Variants in CAST observed in about 807,000 individuals in gnomAD.
CAST encodes MIR583 host.
In CAST, 76 loss-of-function variants were observed where a neutral mutation model predicts 119.6. That is an observed-to-expected ratio of 0.64 (90% CI 0.53 to 0.77). The LOEUF is 0.77. Among genes scored for constraint, CAST ranks in the 30% least tolerant of loss-of-function variants. The pLI is 0.00. For missense variants in CAST, 953 were observed against 946.5 expected (o/e 1.01, Z -0.09); for synonymous variants, 319 against 331.6 (o/e 0.96, Z 0.41).
the CAST span, among the ~76,000 whole-genome samples, chr5:96,493,291 T>G: frequency 1.7e-3 from 262 of 152,358 alleles, no homozygotes; most frequent in African/African-American, 6.2e-3. Flanking sequence ...CTCTTTAAGG[T>G]TGAACTTTTG....
chr5:96,766,981 C>T (rs1770230566), intron 27 of CAST, among the ~76,000 whole-genome samples: 1 of 152,168 alleles, frequency 6.6e-6, no homozygotes, highest in Non-Finnish European at 1.5e-5. Flanking sequence ...TAGAGCCCTT[C>T]CCACTTTGAT....
At chr5:96,654,876 T>C (rs1748138114) in intron 1 of CAST, among the ~76,000 whole-genome samples, 1 of 152,192 alleles carries the variant, frequency 6.6e-6, no homozygotes, top group Non-Finnish European at 1.5e-5. Context: ...GACTTTCCTT[T>C]TATTATTTTT....
chr5:96,728,255 A>G (rs1331802154), intron 6 of CAST: 1 of 152,276 alleles, frequency 6.6e-6, no homozygotes, highest in Non-Finnish European at 1.5e-5. Context: ...TGAGGGTGAA[A>G]GGTGAGGCTT....
the CAST span, among the ~76,000 whole-genome samples, chr5:96,320,824 AG>A: frequency 6.6e-6 from 1 of 152,146 alleles, no homozygotes; most frequent in Non-Finnish European, 1.5e-5. Context: ...CTTGCAGGCT[AG>A]GGGGATGCAG....
the CAST span, among the ~76,000 whole-genome samples, chr5:96,454,312 G>A: frequency 1.3e-5 from 2 of 152,024 alleles, no homozygotes; most frequent in African/African-American, 4.8e-5. Context: ...CCAGTCCAAG[G>A]TCTGAAATTA....
At chr5:96,675,929 T>C (rs1361238641) in intron 2 of CAST, 1 of 209,822 alleles carries the variant, frequency 4.8e-6, no homozygotes, top group African/African-American at 2.3e-5. Context: ...GTTGCTGTAG[T>C]AAAAAGGAAA....
chr5:96,740,104 A>G lies in CAST; in HGVS notation c.865A>G (p.Arg289Gly), dbSNP rs775375217. The change falls in exon 12 of 32, where the codon AGG (arginine) becomes GGG (glycine). Residue 289 changes from arginine (R) to glycine (G), a missense_variant. Arg to Gly is a moderately radical substitution (Grantham distance 125). Transcript: ENST00000675179. ...AGAAGTCACAATTCCTCCAAAATAT[A>G]GGGAACTATTGGCTGTAAGTTAAAT... is the stretch of plus-strand genomic sequence containing the variant. The part of the protein sequence containing the change: ...KREVTIPPKY[R>G]ELLAKKEGIT... 2 of 1,505,538 alleles carry G rather than the reference A, an allele frequency of 1.3e-6. No homozygotes were observed. The highest frequency in any genetic ancestry group is 2.1e-4 in the Middle Eastern group (1 of 4,806). The allele number at this position is 1,505,538 out of a possible 1,614,324, so 93.3% of individuals were successfully genotyped here.
At chr5:96,365,073 C>T in the CAST span, among the ~76,000 whole-genome samples, 9 of 152,020 alleles carry the variant, frequency 5.9e-5, no homozygotes, top group African/African-American at 9.7e-5. Context: ...GCCTTCATTT[C>T]GTTAAGTACT....
chr5:96,732,392 T>G (rs1760741484), intron 9 of CAST, among the ~76,000 whole-genome samples: 2 of 124,730 alleles, frequency 1.6e-5, no homozygotes, highest in Non-Finnish European at 1.7e-5. Flanking sequence ...CATTGTAGAT[T>G]CTGGATATTA....
intron 22 of CAST, chr5:96,755,338 CAAAAA>C (rs1179138013): frequency 6.6e-6 from 1 of 151,020 alleles, no homozygotes; most frequent in Non-Finnish European, 1.5e-5. Flanking sequence ...GACCCTAACT[CAAAAA>C]GAAGTAAAAA....
the CAST span, chr5:96,050,266 AAG>A: frequency 6.6e-6 from 1 of 152,300 alleles, no homozygotes; most frequent in Non-Finnish European, 1.5e-5. Flanking sequence ...GTGAGGGGAA[AAG>A]AGAGACATAG....
the CAST span, among the ~76,000 whole-genome samples, chr5:95,965,518 CT>C: frequency 6.6e-6 from 1 of 152,306 alleles, no homozygotes; most frequent in Admixed American, 6.5e-5. Context: ...AAGGCAATGG[CT>C]TCTGTTACAA....
the CAST span, among the ~76,000 whole-genome samples, chr5:96,173,051 G>A: frequency 6.6e-6 from 1 of 152,168 alleles, no homozygotes; most frequent in South Asian, 2.1e-4. Flanking sequence ...TTGCATATGG[G>A]TATTTCTTAT....
the CAST span, chr5:95,965,051 T>A: frequency 6.6e-6 from 1 of 151,740 alleles, no homozygotes; most frequent in Non-Finnish European, 1.5e-5. Context: ...GGTACAGAGG[T>A]CACCAATTCA....
At chr5:95,968,207 A>G in the CAST span, among the ~76,000 whole-genome samples, 1 of 152,186 alleles carries the variant, frequency 6.6e-6, no homozygotes, top group Non-Finnish European at 1.5e-5. Context: ...AGTCATTTGA[A>G]TAACTCTTTC....
At chr5:96,006,104 T>C in the CAST span, among the ~76,000 whole-genome samples, 1 of 152,228 alleles carries the variant, frequency 6.6e-6, no homozygotes, top group Non-Finnish European at 1.5e-5. Flanking sequence ...CAGATATTTT[T>C]TCCATTAGTG....
At chr5:96,452,498 A>AG in the CAST span, among the ~76,000 whole-genome samples, 128 of 152,150 alleles carry the variant, frequency 8.4e-4, no homozygotes, top group African/African-American at 2.8e-3. Context: ...GTTGCGGGGT[A>AG]GGAGGCCAGT....
chr5:96,454,703 A>G, the CAST span, among the ~76,000 whole-genome samples: 1 of 152,184 alleles, frequency 6.6e-6, no homozygotes, highest in African/African-American at 2.4e-5. Context: ...AAATTCCTGT[A>G]TTTCTCAAGT....
At chr5:96,194,644 A>G in the CAST span, among the ~76,000 whole-genome samples, 1 of 152,246 alleles carries the variant, frequency 6.6e-6, no homozygotes, top group East Asian at 1.9e-4. Flanking sequence ...TTTTAAAAAA[A>G]GAAATTAAAT....
Sources: gnomAD v4.1 joint callset for allele counts (sites outside exome capture counted in the v4.1 genomes callset) on GRCh38, gnomAD v4.1.1 for gene constraint, MANE v1.5 for transcripts, NCBI Gene and HGNC (gene_info 2026-07-23, HGNC 2026-07-21) for gene names.